The following CNTN5 variants were observed in gnomAD, a reference collection of about 807,000 sequenced individuals.
CNTN5 encodes contactin-5.
In CNTN5, 77 loss-of-function variants were observed where a neutral mutation model predicts 129.1. That is an observed-to-expected ratio of 0.60 (90% CI 0.50 to 0.72). CNTN5 has a LOEUF of 0.72. Among genes scored for constraint, CNTN5 ranks in the 30% least tolerant of loss-of-function variants. The pLI, the probability that CNTN5 is intolerant of heterozygous loss-of-function variation, is 0.00. For missense variants in CNTN5, 1,478 were observed against 1,328.8 expected (o/e 1.11, Z -1.75); for synonymous variants, 509 against 465.6 (o/e 1.09, Z -1.20).
At chr11:99,123,829 T>C (rs551272138) in intron 1 of CNTN5, among the ~76,000 whole-genome samples, 1 of 152,216 alleles carries the variant, frequency 6.6e-6, no homozygotes, top group Admixed American at 6.6e-5. Flanking sequence ...CTAGTTTTTG[T>C]CAGCTTTTTC....
intron 1 of CNTN5, among the ~76,000 whole-genome samples, chr11:99,212,818 A>G (rs970965307): frequency 2.0e-5 from 3 of 152,304 alleles, no homozygotes; most frequent in Non-Finnish European, 2.9e-5. Flanking sequence ...AATATTAAAT[A>G]TTAACAATAT....
At chr11:100,097,316 G>A (rs1945041992) in intron 13 of CNTN5, among the ~76,000 whole-genome samples, 1 of 152,022 alleles carries the variant, frequency 6.6e-6, no homozygotes, top group Non-Finnish European at 1.5e-5. Context: ...TCAAATTCAT[G>A]AACCTGCCTC....
chr11:100,006,032 GA>G (rs1184179399), intron 9 of CNTN5, among the ~76,000 whole-genome samples: 1 of 152,104 alleles, frequency 6.6e-6, no homozygotes, highest in African/African-American at 2.4e-5. Context: ...TCACAATGAA[GA>G]AAGTCACATG....
At chr11:99,586,710 C>T (rs770208894) in intron 3 of CNTN5, among the ~76,000 whole-genome samples, 22 of 152,084 alleles carry the variant, frequency 1.4e-4, no homozygotes, top group Non-Finnish European at 2.9e-4. Flanking sequence ...GTAGATGTCT[C>T]TCTATGTAAT....
intron 2 of CNTN5, among the ~76,000 whole-genome samples, chr11:99,539,409 G>T (rs1026639417): frequency 6.6e-6 from 1 of 151,872 alleles, no homozygotes; most frequent in South Asian, 2.1e-4. Flanking sequence ...TCGTTTTATT[G>T]TTTGTGATCT....
intron 3 of CNTN5, among the ~76,000 whole-genome samples, chr11:99,674,628 T>G (rs1280170687): frequency 6.6e-6 from 1 of 152,110 alleles, no homozygotes; most frequent in African/African-American, 2.4e-5. Flanking sequence ...CCCAAACGAA[T>G]TGCAGCTGAA....
intron 13 of CNTN5, among the ~76,000 whole-genome samples, chr11:100,110,064 A>C (rs1945593022): frequency 6.6e-6 from 1 of 151,764 alleles, no homozygotes; most frequent in Admixed American, 6.6e-5. Flanking sequence ...CTGTAGTCCC[A>C]TAGTCCCAGC....
chr11:99,457,833 C>G (rs188012219), intron 2 of CNTN5, among the ~76,000 whole-genome samples: 4 of 151,670 alleles, frequency 2.6e-5, no homozygotes, highest in Admixed American at 2.0e-4. Flanking sequence ...GTTTAACAGT[C>G]AGAAATTATA....
At chr11:99,146,538 A>G (rs114627502) in intron 1 of CNTN5, among the ~76,000 whole-genome samples, 7,203 of 152,210 alleles carry the variant, frequency 0.047, 194 homozygotes, top group Middle Eastern at 0.065. Flanking sequence ...TCACAATAAT[A>G]TTTTATAGCA....
intron 13 of CNTN5, among the ~76,000 whole-genome samples, chr11:100,132,748 G>A (rs76118979): frequency 7.9e-5 from 12 of 152,138 alleles, no homozygotes; most frequent in Non-Finnish European, 1.5e-4. Context: ...CAAATGGTGC[G>A]CTATGTATTA....
chr11:99,612,984 G>T (rs908140444), intron 3 of CNTN5, among the ~76,000 whole-genome samples: 4 of 152,134 alleles, frequency 2.6e-5, no homozygotes, highest in African/African-American at 9.7e-5. Flanking sequence ...GGAGCCCAGG[G>T]AATTGGCAGG....
chr11:99,326,548 T>C (rs143157416), intron 2 of CNTN5, among the ~76,000 whole-genome samples: 2,020 of 152,292 alleles, frequency 0.013, 53 homozygotes, highest in African/African-American at 0.046. Context: ...TCTGAAGTTT[T>C]ACCACGATAT....
intron 3 of CNTN5, among the ~76,000 whole-genome samples, chr11:99,615,948 C>T (rs1481929628): frequency 6.6e-6 from 1 of 151,876 alleles, no homozygotes; most frequent in Admixed American, 6.6e-5. Context: ...TTTGTTCAGG[C>T]TGGTCTTCAA....
At chr11:99,086,987 G>T (rs1207600089) in intron 1 of CNTN5, among the ~76,000 whole-genome samples, 1 of 152,178 alleles carries the variant, frequency 6.6e-6, no homozygotes, top group African/African-American at 2.4e-5. Context: ...GAGGGTTGGA[G>T]AAGTTCAGTA....
At chr11:99,209,460 G>C (rs906079964) in intron 1 of CNTN5, among the ~76,000 whole-genome samples, 1 of 120,472 alleles carries the variant, frequency 8.3e-6, no homozygotes, top group Non-Finnish European at 1.7e-5. Flanking sequence ...GTGCCACACT[G>C]TTTTAAGCAA....
chr11:99,428,155 T>C (rs186328125), intron 2 of CNTN5, among the ~76,000 whole-genome samples: 67 of 152,268 alleles, frequency 4.4e-4, no homozygotes, highest in Non-Finnish European at 8.2e-4. Context: ...AATTACCTCT[T>C]TATAACTTTC....
intron 2 of CNTN5, among the ~76,000 whole-genome samples, chr11:99,546,733 G>A (rs1009280077): frequency 6.6e-6 from 1 of 152,062 alleles, no homozygotes; most frequent in Non-Finnish European, 1.5e-5. Context: ...ATACTTTGCG[G>A]TCTGGCCTTC....
At chr11:99,298,790 C>T (rs1477052424) in intron 1 of CNTN5, among the ~76,000 whole-genome samples, 2 of 151,912 alleles carry the variant, frequency 1.3e-5, no homozygotes, top group African/African-American at 2.4e-5. Context: ...TCAAAAGACA[C>T]CTCTGACCAG....
chr11:100,287,868 A>C (rs1479737289), intron 18 of CNTN5, among the ~76,000 whole-genome samples: 1 of 152,206 alleles, frequency 6.6e-6, no homozygotes, highest in Non-Finnish European at 1.5e-5. Flanking sequence ...AACCCATCTC[A>C]CGTGCAGAAA....
Sources: gnomAD v4.1 joint callset for allele counts (sites outside exome capture counted in the v4.1 genomes callset) on GRCh38, gnomAD v4.1.1 for gene constraint, MANE v1.5 for transcripts, NCBI Gene and HGNC (gene_info 2026-07-23, HGNC 2026-07-21) for gene names.